MYO5B: variants seen among roughly 807,000 people sequenced by gnomAD.
The protein encoded by MYO5B is unconventional myosin-Vb.
A neutral mutation model predicts 229.3 loss-of-function variants in MYO5B; 143 were observed. That is an observed-to-expected ratio of 0.62 (90% CI 0.54 to 0.72). The LOEUF (loss-of-function observed/expected upper bound fraction) is 0.72. Ranked by LOEUF, MYO5B falls within the 30% of genes least tolerant of loss-of-function variation. MYO5B has a pLI of 0.00. For synonymous variants in MYO5B, 918 were observed against 885.2 expected (o/e 1.04, Z -0.66); for missense variants, 2,321 against 2,331.0 (o/e 1.00, Z 0.09).
At chr18:49,967,000 G>C (rs1337980690) in intron 10 of MYO5B, among the ~76,000 whole-genome samples, 1 of 152,162 alleles carries the variant, frequency 6.6e-6, no homozygotes, top group African/African-American at 2.4e-5. Flanking sequence ...TCAATTTATA[G>C]TTCACAACAT....
chr18:49,882,347 C>CATTTTATAG (rs569141907), intron 22 of MYO5B, among the ~76,000 whole-genome samples: 27,795 of 93,428 alleles, frequency 0.3, 2,764 homozygotes, highest in East Asian at 0.57. Context: ...GAAACCCGGC[C>CATTTTATAG]AGGTACCGTG....
chr18:49,983,982 T>C (rs1598931406), intron 8 of MYO5B, among the ~76,000 whole-genome samples: 1 of 152,346 alleles, frequency 6.6e-6, no homozygotes, highest in South Asian at 2.1e-4. Flanking sequence ...GAGAAGGGGC[T>C]GGGGAAGACA....
At chr18:49,835,792 G>A (rs2023980233) in intron 38 of MYO5B, among the ~76,000 whole-genome samples, 1 of 152,152 alleles carries the variant, frequency 6.6e-6, no homozygotes, top group Non-Finnish European at 1.5e-5. Flanking sequence ...TCTTACCTTA[G>A]ATGAGAAAGG....
chr18:50,057,934 G>T (rs930960270), intron 1 of MYO5B, among the ~76,000 whole-genome samples: 2 of 152,076 alleles, frequency 1.3e-5, no homozygotes, highest in Non-Finnish European at 2.9e-5. Context: ...CTGCCTTTGA[G>T]AATATGTCAG....
chr18:50,189,233 T>C (rs2033195227), intron 1 of MYO5B, among the ~76,000 whole-genome samples: 1 of 152,186 alleles, frequency 6.6e-6, no homozygotes, highest in African/African-American at 2.4e-5. Context: ...CAAGGATTCC[T>C]GCTCAAGAGA....
At chr18:49,945,067 T>A (rs554232613) in intron 14 of MYO5B, among the ~76,000 whole-genome samples, 12 of 152,256 alleles carry the variant, frequency 7.9e-5, no homozygotes, top group African/African-American at 2.9e-4. Context: ...CAGTTCTGCT[T>A]CCTCTAATCT....
At chr18:50,055,225 G>GCCCCCCCCCCCCCCCCCCCCCCCCCCCCC in intron 2 of MYO5B, 43 bp downstream of exon 2, 2 of 700,360 alleles carry the variant, frequency 2.9e-6, no homozygotes, top group Non-Finnish European at 2.7e-6. Context: ...TGAGCTCCCT[G>GCCCCCCCCCCCCCCCCCCCCCCCCCCCCC]CCCCACCTCA....
chr18:50,172,288 C>CAAAAAAAAAAAAAA (rs55973734), intron 1 of MYO5B, among the ~76,000 whole-genome samples: 5 of 90,504 alleles, frequency 5.5e-5, no homozygotes, highest in Non-Finnish European at 6.7e-5. Context: ...CAAAAAAAGA[C>CAAAAAAAAAAAAAA]AAAAAAAAAA....
At chr18:50,138,650 G>A (rs1210630903) in intron 1 of MYO5B, among the ~76,000 whole-genome samples, 5 of 146,362 alleles carry the variant, frequency 3.4e-5, no homozygotes, top group Admixed American at 6.7e-5. Flanking sequence ...CTCTTGAGTC[G>A]GAAAAAAAAA....
chr18:50,062,347 C>T (rs996402544), intron 1 of MYO5B, among the ~76,000 whole-genome samples: 5 of 152,172 alleles, frequency 3.3e-5, no homozygotes, highest in Non-Finnish European at 5.9e-5. Context: ...AACTTGATAG[C>T]TGGCAGTATA....
At chr18:50,037,224 C>T (rs991281956) in intron 3 of MYO5B, among the ~76,000 whole-genome samples, 1 of 146,902 alleles carries the variant, frequency 6.8e-6, no homozygotes, top group Non-Finnish European at 1.5e-5. Flanking sequence ...CAAACACACA[C>T]ACACACACAC....
At position 49,837,754 on chromosome 18, in the gene MYO5B, T is replaced by C. The variant is rs760972277; in HGVS notation, c.4901A>G (p.Lys1634Arg). Residue 1634 changes from lysine (K) to arginine (R), a missense_variant, in exon 37 of 40, where the codon AAG becomes AGG. Lys to Arg is a conservative substitution (Grantham distance 26, BLOSUM62 2). Coordinates refer to ENST00000285039, the MANE Select transcript of MYO5B (RefSeq NM_001080467.3). ...GGAGCGCTTCCGGTAGCCGGTGGGC[T>C]TCACACCAGATAGACCCTGAATGCT... ...NESIQGLSGV[K>R]PTGYRKRSSS... 2.5e-6 allele frequency: 4 copies of C among 1,614,048 alleles called. No homozygotes were observed. Among genetic ancestry groups the C allele is most frequent in the Non-Finnish European group, 3.4e-6 (4 of 1,180,034 alleles).
chr18:49,919,299 T>C (rs2025050063), intron 17 of MYO5B, among the ~76,000 whole-genome samples: 2 of 148,302 alleles, frequency 1.3e-5, no homozygotes, highest in Non-Finnish European at 2.9e-5. Flanking sequence ...TGACACCTAA[T>C]GCACAACCAA....
At position 50,114,311 on chromosome 18, in the gene MYO5B, A is replaced by G. The variant is rs190133689; in HGVS notation, c.28-58933T>C. Among the ~76,000 whole-genome samples, 15 of 152,352 alleles carry G rather than the reference A, an allele frequency of 9.8e-5. No homozygotes were observed. In the Middle Eastern group the frequency reaches 0.01, roughly 104 times the overall value. On this transcript the variant is annotated intron_variant, in intron 1 of 39. Coordinates refer to ENST00000285039, the MANE Select transcript of MYO5B (RefSeq NM_001080467.3). ...ATTTTGGAGAATGCACAGAAAGTCA[A>G]GTCATGGCTGGGCAAAGAAACAAAG...
chr18:49,856,938 G>C, intron 29 of MYO5B, 48 bp from the exon 30 acceptor site: 1 of 1,503,094 alleles, frequency 6.7e-7, no homozygotes, highest in African/African-American at 1.4e-5. Flanking sequence ...AGACGGAAGA[G>C]ACAGGCAGGC....
At chr18:50,112,442 G>A (rs1364713994) in intron 1 of MYO5B, among the ~76,000 whole-genome samples, 5 of 152,162 alleles carry the variant, frequency 3.3e-5, no homozygotes, top group Non-Finnish European at 1.5e-5. Context: ...CAAGGCTCCT[G>A]CCGAGCCACC....
intron 1 of MYO5B, among the ~76,000 whole-genome samples, chr18:50,094,355 C>T (rs1028872490): frequency 3.3e-5 from 5 of 152,066 alleles, no homozygotes; most frequent in Admixed American, 2.0e-4. Flanking sequence ...TAACTCTGAG[C>T]AGGTGGGCTT....
At chr18:50,163,112 G>A (rs925378099) in intron 1 of MYO5B, among the ~76,000 whole-genome samples, 1 of 152,196 alleles carries the variant, frequency 6.6e-6, no homozygotes, top group African/African-American at 2.4e-5. Context: ...TACCAAGGTT[G>A]CCAGCTTTCC....
intron 4 of MYO5B, among the ~76,000 whole-genome samples, chr18:50,006,813 A>C (rs1420580139): frequency 6.6e-6 from 1 of 152,176 alleles, no homozygotes; most frequent in African/African-American, 2.4e-5. Flanking sequence ...CCTGCTGATC[A>C]GCCAGGGAGG....
Sources: allele counts gnomAD v4.1 joint callset (sites outside exome capture counted in the v4.1 genomes callset), GRCh38; gene constraint gnomAD v4.1.1; transcripts MANE v1.5; gene names NCBI Gene and HGNC (gene_info 2026-07-23, HGNC 2026-07-21).